The following RNASEH2B variants were observed in gnomAD, a reference collection of about 807,000 sequenced individuals.
The protein encoded by RNASEH2B is ribonuclease H2 subunit B.
Under a neutral mutation model 45.0 loss-of-function variants are expected in RNASEH2B, and 36 were observed. The ratio of observed to expected loss-of-function variants is 0.80; its 90% confidence interval spans 0.61 to 1.06. RNASEH2B has a LOEUF of 1.06. Ranked by LOEUF, RNASEH2B falls within the 50% of genes least tolerant of loss-of-function variation. The pLI is 0.00. For missense variants in RNASEH2B, 361 were observed against 360.3 expected (o/e 1.00, Z -0.02); for synonymous variants, 119 against 125.7 (o/e 0.95, Z 0.35).
At chr13:50,917,720 A>G (rs532903070) in intron 1 of RNASEH2B, among the ~76,000 whole-genome samples, 57 of 152,256 alleles carry the variant, frequency 3.7e-4, no homozygotes, top group African/African-American at 1.3e-3. Context: ...GGACTCCTGC[A>G]TGTGCCAGAG....
chr13:50,960,838 TTATTA>T (rs1353534334), downstream of RNASEH2B, among the ~76,000 whole-genome samples: 8 of 152,230 alleles, frequency 5.3e-5, no homozygotes, highest in East Asian at 1.3e-3. Flanking sequence ...TCATTTTGCA[TTATTA>T]TATTCTATTG....
chr13:50,922,789 A>G (rs1160792597), intron 1 of RNASEH2B, among the ~76,000 whole-genome samples: 1 of 152,206 alleles, frequency 6.6e-6, no homozygotes. Context: ...TACACAAACA[A>G]GACAGTATGA....
intron 5 of RNASEH2B, among the ~76,000 whole-genome samples, chr13:50,940,140 C>T (rs1434376733): frequency 6.6e-6 from 1 of 152,132 alleles, no homozygotes; most frequent in Non-Finnish European, 1.5e-5. Flanking sequence ...TAATGTTGAG[C>T]AAAAGAAATT....
chr13:50,927,386 A>T, intron 1 of RNASEH2B, 21 bp from the exon 2 acceptor site: 1 of 1,409,790 alleles, frequency 7.1e-7, no homozygotes, highest in Non-Finnish European at 1.0e-6. Flanking sequence ...TTAATTTTAG[A>T]TATTCACGGT....
intron 10 of RNASEH2B, 33 bp downstream of exon 10, chr13:50,954,018 C>T (rs1247193894): frequency 2.3e-6 from 3 of 1,310,258 alleles, no homozygotes; most frequent in Non-Finnish European, 3.3e-6. Context: ...GTGTTTCGTT[C>T]ATACTCAGTG....
chr13:50,962,868 T>C (rs1310047968), intron 9 of RNASEH2B, among the ~76,000 whole-genome samples: 1 of 152,100 alleles, frequency 6.6e-6, no homozygotes, highest in African/African-American at 2.4e-5. Flanking sequence ...GTTTTTAATT[T>C]TCATCAAATA....
chr13:50,958,793 A>G (rs1171632977), downstream of RNASEH2B, among the ~76,000 whole-genome samples: 2 of 152,148 alleles, frequency 1.3e-5, no homozygotes, highest in Non-Finnish European at 2.9e-5. Flanking sequence ...ATTATTCACA[A>G]ATGTTCACTA....
chr13:50,922,482 A>G (rs1264237984), intron 1 of RNASEH2B, among the ~76,000 whole-genome samples: 5 of 152,198 alleles, frequency 3.3e-5, no homozygotes, highest in African/African-American at 1.2e-4. Context: ...ACACACACAC[A>G]CAGGACCCTT....
intron 8 of RNASEH2B, 72 bp downstream of exon 8, chr13:50,948,140 T>G (rs1032775875): frequency 6.3e-7 from 1 of 1,594,724 alleles, no homozygotes; most frequent in African/African-American, 1.3e-5. Flanking sequence ...TGGGGTTTCC[T>G]TATGGCTTAT....
chr13:50,909,980 C>T lies in RNASEH2B; in HGVS notation c.-97C>T. 2 of 1,112,002 alleles carry T rather than the reference C, an allele frequency of 1.8e-6. No homozygotes were observed. Among genetic ancestry groups the T allele is most frequent in the African/African-American group, 1.6e-5 (1 of 60,660 alleles). 68.9% of individuals were successfully genotyped at this position (1,112,002 alleles called of 1,614,324 possible). A position where few individuals can be genotyped will look rare whatever the true frequency, so the allele number is the denominator to read the frequency against. ...GCTGCCGGTCCCTCAGCGCGCCGCG[C>T]CACCCGGAACAGACCCTTCTCCCGC... On this transcript the variant is annotated 5_prime_UTR_variant, in exon 1 of 11. Transcript: ENST00000336617.
chr13:50,964,091 C>G (rs566624270), intron 9 of RNASEH2B, among the ~76,000 whole-genome samples: 1 of 152,004 alleles, frequency 6.6e-6, no homozygotes, highest in South Asian at 2.1e-4. Context: ...CCCAGCTACT[C>G]GGGAGGCTGA....
intron 2 of RNASEH2B, among the ~76,000 whole-genome samples, chr13:50,928,120 G>C (rs190126100): frequency 2.0e-5 from 3 of 152,082 alleles, no homozygotes; most frequent in East Asian, 3.9e-4. Flanking sequence ...AAATATTAAA[G>C]TGTATTCTAA....
At chr13:50,924,749 C>T (rs1480142207) in intron 1 of RNASEH2B, among the ~76,000 whole-genome samples, 7 of 152,074 alleles carry the variant, frequency 4.6e-5, no homozygotes, top group African/African-American at 1.2e-4. Context: ...GGTTTCACCC[C>T]GTTGCCCAGG....
intron 1 of RNASEH2B, among the ~76,000 whole-genome samples, chr13:50,918,447 A>G (rs1222056045): frequency 6.6e-6 from 1 of 151,932 alleles, no homozygotes; most frequent in African/African-American, 2.4e-5. Flanking sequence ...TCTAATTTTT[A>G]TTTTTTTCTC....
chr13:50,970,244 C>T (rs1320137688), exon 10 of RNASEH2B: 2 of 556,560 alleles, frequency 3.6e-6, no homozygotes, highest in African/African-American at 3.9e-5. Context: ...AAGCTTGGGT[C>T]AGGCCAGCAT....
chr13:50,933,332 G>A (rs971616825), intron 4 of RNASEH2B, among the ~76,000 whole-genome samples: 4 of 152,160 alleles, frequency 2.6e-5, no homozygotes, highest in Non-Finnish European at 4.4e-5. Flanking sequence ...GTGCTATGGC[G>A]AGCTCACGTT....
intron 1 of RNASEH2B, among the ~76,000 whole-genome samples, chr13:50,914,797 GA>G (rs1343553326): frequency 6.6e-6 from 1 of 152,080 alleles, no homozygotes; most frequent in African/African-American, 2.4e-5. Context: ...CTCCAGGTCA[GA>G]AAAAAATTCA....
chr13:50,942,467 GA>G (rs1951844668), intron 5 of RNASEH2B: 1 of 152,044 alleles, frequency 6.6e-6, no homozygotes, highest in Non-Finnish European at 1.5e-5. Flanking sequence ...TAGTTAACAA[GA>G]TTTTTTTCCT....
intron 4 of RNASEH2B, among the ~76,000 whole-genome samples, chr13:50,933,441 A>G (rs1951707428): frequency 6.6e-6 from 1 of 152,240 alleles, no homozygotes; most frequent in South Asian, 2.1e-4. Flanking sequence ...AGTGCCAAAA[A>G]TGCCCTTTAA....
Sources: gnomAD v4.1 joint callset for allele counts (sites outside exome capture counted in the v4.1 genomes callset) on GRCh38, gnomAD v4.1.1 for gene constraint, MANE v1.5 for transcripts, NCBI Gene and HGNC (gene_info 2026-07-23, HGNC 2026-07-21) for gene names.